Variants in ARHGAP20 observed in about 807,000 individuals in gnomAD.
The protein encoded by ARHGAP20 is Rho GTPase activating protein 20.
A neutral mutation model predicts 73.7 loss-of-function variants in ARHGAP20; 34 were observed. That is an observed-to-expected ratio of 0.46 (90% CI 0.35 to 0.61). ARHGAP20 has a LOEUF of 0.61. Among genes scored for constraint, ARHGAP20 ranks in the 20% least tolerant of loss-of-function variants. The pLI, the probability that ARHGAP20 is intolerant of heterozygous loss-of-function variation, is 0.00. For synonymous variants in ARHGAP20, 523 were observed against 518.2 expected, an observed-to-expected ratio of 1.01 and a Z score of -0.13; for missense variants, 1,314 against 1,420.9, an observed-to-expected ratio of 0.92 and a Z score of 1.21.
At chr11:110,614,222 C>T (rs992342819) in intron 6 of ARHGAP20, among the ~76,000 whole-genome samples, 3 of 152,098 alleles carry the variant, frequency 2.0e-5, no homozygotes, top group Middle Eastern at 3.4e-3. Context: ...TTACTACAAG[C>T]CTCTGCAGCT....
chr11:110,651,756 A>T (rs1298813403), intron 2 of ARHGAP20, among the ~76,000 whole-genome samples: 1 of 151,612 alleles, frequency 6.6e-6, no homozygotes, highest in Non-Finnish European at 1.5e-5. Flanking sequence ...CCAAAAAAAA[A>T]AAAAATAAAA....
At position 110,579,510 on chromosome 11, in the gene ARHGAP20, C is replaced by A. The variant is rs371967900; in HGVS notation, c.3436G>T (p.Gly1146Cys). ...AGAGAACCAGAAGAGCTCTGACTAC[C>A]AGGCTCTATTTCCTCATGTGACTTC... is the stretch of plus-strand genomic sequence containing the variant. ...CMKSHEEIEPGSQSSSGSLPW... is the reference protein window; with the variant it reads ...CMKSHEEIEPCSQSSSGSLPW... Residue 1146 changes from glycine to cysteine, a missense_variant, in exon 15 of 15, where the codon GGT becomes TGT. By Grantham distance (159) the Gly-to-Cys change is radical (BLOSUM62 -3). Coordinates refer to ENST00000683387, the MANE Select transcript of ARHGAP20 (RefSeq NM_001384657.1). The A allele has an allele frequency of 3.7e-6, 6 of 1,614,048 alleles. No individual in the cohort carries two copies. Among genetic ancestry groups the A allele is most frequent in the African/African-American group, 1.3e-5 (1 of 74,920 alleles).
At position 110,663,645 on chromosome 11, in the gene ARHGAP20, C is replaced by G. The variant is rs1949662706; in HGVS notation, c.188+26902G>C. On this transcript the variant is annotated intron_variant, in intron 2 of 14. Transcript: ENST00000683387. ...GAACAAAAACTCCACGCCCAAACAG[C>G]TTAACAGTTGAATTCTACCAAATAC... is the stretch of plus-strand genomic sequence containing the variant. Among the ~76,000 whole-genome samples, 3 of 152,018 alleles carry G rather than the reference C, an allele frequency of 2.0e-5. No individual in the cohort carries two copies. In the South Asian group the frequency reaches 6.2e-4, roughly 32 times the overall value.
chr11:110,634,029 A>G (rs1339841467), intron 2 of ARHGAP20, among the ~76,000 whole-genome samples: 1 of 152,228 alleles, frequency 6.6e-6, no homozygotes, highest in African/African-American at 2.4e-5. Flanking sequence ...AAGAGAACCT[A>G]TGAACAAAGA....
intron 2 of ARHGAP20, among the ~76,000 whole-genome samples, chr11:110,669,049 C>A (rs944233361): frequency 7.2e-5 from 11 of 151,910 alleles, no homozygotes; most frequent in African/African-American, 1.5e-4. Context: ...GAAATTTTGA[C>A]TTTGGATATA....
At chr11:110,615,867 T>C (rs1565439993) in intron 4 of ARHGAP20, among the ~76,000 whole-genome samples, 1 of 152,162 alleles carries the variant, frequency 6.6e-6, no homozygotes, top group African/African-American at 2.4e-5. Flanking sequence ...TTTTTACAAG[T>C]GGTATTATAT....
chr11:110,706,010 G>T (rs1950547045), intron 1 of ARHGAP20, among the ~76,000 whole-genome samples: 1 of 152,118 alleles, frequency 6.6e-6, no homozygotes, highest in African/African-American at 2.4e-5. Flanking sequence ...TTGTGTCATT[G>T]ATTGTCACTA....
At chr11:110,660,839 G>T (rs1406662807) in intron 2 of ARHGAP20, among the ~76,000 whole-genome samples, 2 of 152,002 alleles carry the variant, frequency 1.3e-5, no homozygotes, top group Admixed American at 6.6e-5. Context: ...AAAAAAATTG[G>T]GGCTAGAATA....
At chr11:110,699,996 A>C (rs1950413003) in intron 1 of ARHGAP20, among the ~76,000 whole-genome samples, 1 of 152,078 alleles carries the variant, frequency 6.6e-6, no homozygotes. Flanking sequence ...ACAATGCAGA[A>C]AACACTTTTT....
intron 2 of ARHGAP20, 77 bp from the exon 3 acceptor site, chr11:110,630,869 T>A: frequency 2.7e-6 from 4 of 1,475,148 alleles, no homozygotes; most frequent in Non-Finnish European, 2.8e-6. Flanking sequence ...TTCTGTAATT[T>A]TTTTTAATAC....
intron 2 of ARHGAP20, among the ~76,000 whole-genome samples, chr11:110,683,174 A>G (rs1384411652): frequency 6.6e-6 from 1 of 152,146 alleles, no homozygotes. Context: ...CACCATATCA[A>G]AATAATACAT....
chr11:110,633,698 G>GT (rs1418812044), intron 2 of ARHGAP20, among the ~76,000 whole-genome samples: 2 of 152,180 alleles, frequency 1.3e-5, no homozygotes, highest in African/African-American at 4.8e-5. Flanking sequence ...ATAACCCGTT[G>GT]TAAGTCGAGG....
intron 1 of ARHGAP20, among the ~76,000 whole-genome samples, chr11:110,704,389 A>G (rs45570839): frequency 0.055 from 8,407 of 152,206 alleles, 271 homozygotes; most frequent in Middle Eastern, 0.099. Flanking sequence ...CAGACATCCA[A>G]AAACAAGTTT....
chr11:110,577,986 TTAAA>T lies in ARHGAP20; in HGVS notation c.*1380_*1383del, dbSNP rs370395078. 1.0e-3 allele frequency: 982 copies of T among 985,448 alleles called. 8 individuals are homozygous for T. The African/African-American group carries it at 0.015, about 15-fold the overall frequency. The allele number at this position is 985,448 out of a possible 1,614,324, so 61.0% of individuals were successfully genotyped here. ...TCCATCTGATGGTGAACTAAAGAGT[TTAAA>T]TAAATGGGCTCAGAGCAACTTCTTA... On this transcript the variant is annotated 3_prime_UTR_variant, in exon 15 of 15. Coordinates refer to ENST00000683387, the MANE Select transcript of ARHGAP20 (RefSeq NM_001384657.1).
rs17111608 is a variant in ARHGAP20 at position 110,655,610 on chromosome 11, G to A, written c.189-24818C>T. On this transcript the variant is annotated intron_variant, in intron 2 of 14. Transcript: ENST00000683387. ...CTATCTTGTTATGGTCTTGTAAAGC[G>A]CCTTGTAGACAGTCATGGGTTTCCT... is the stretch of plus-strand genomic sequence containing the variant. Among the ~76,000 whole-genome samples, 1,010 of 152,158 alleles carry A rather than the reference G, an allele frequency of 6.6e-3. 27 individuals are homozygous for A. Among genetic ancestry groups the A allele is most frequent in the East Asian group, 0.06 (311 of 5,182 alleles).
chr11:110,689,272 T>C (rs1301822318), intron 2 of ARHGAP20, among the ~76,000 whole-genome samples: 2 of 151,898 alleles, frequency 1.3e-5, no homozygotes, highest in African/African-American at 2.4e-5. Context: ...ATCATATAGA[T>C]TTTATGTTAA....
chr11:110,615,399 G>GC (rs1948461266), intron 5 of ARHGAP20, among the ~76,000 whole-genome samples, 154 bp downstream of exon 5: 1 of 152,160 alleles, frequency 6.6e-6, no homozygotes. Flanking sequence ...CAAGTAAGTA[G>GC]CTAGTGTACG....
chr11:110,685,163 T>C (rs1219406364), intron 2 of ARHGAP20, among the ~76,000 whole-genome samples: 2 of 151,500 alleles, frequency 1.3e-5, no homozygotes, highest in South Asian at 2.1e-4. Flanking sequence ...TTTTGATTTG[T>C]TGTATTCAAC....
At chr11:110,681,971 C>T (rs186241588) in intron 2 of ARHGAP20, among the ~76,000 whole-genome samples, 8 of 152,250 alleles carry the variant, frequency 5.3e-5, no homozygotes, top group Non-Finnish European at 1.2e-4. Context: ...TGGTTCAAAC[C>T]GTCATTTCCC....
Sources: gnomAD v4.1 joint callset for allele counts (sites outside exome capture counted in the v4.1 genomes callset) on GRCh38, gnomAD v4.1.1 for gene constraint, MANE v1.5 for transcripts, NCBI Gene and HGNC (gene_info 2026-07-23, HGNC 2026-07-21) for gene names.